Variants in ICA1L observed in about 807,000 individuals in gnomAD.
ICA1L encodes the protein islet cell autoantigen 1 like, also known as islet cell autoantigen 1-like protein.
In ICA1L, 50 loss-of-function variants were observed where a neutral mutation model predicts 61.3. The ratio of observed to expected loss-of-function variants is 0.82; its 90% CI spans 0.65 to 1.03. The LOEUF (loss-of-function observed/expected upper bound fraction) is 1.03, where lower values mean the gene tolerates loss of function less well. Ranked by LOEUF, ICA1L falls within the 50% of genes least tolerant of loss-of-function variation. ICA1L has a pLI of 0.00. For missense variants in ICA1L, 508 were observed against 556.7 expected (o/e 0.91, Z 0.88); for synonymous variants, 161 against 191.3 (o/e 0.84, Z 1.31).
intron 1 of ICA1L, among the ~76,000 whole-genome samples, chr2:202,854,238 A>G (rs1694708411): frequency 6.6e-6 from 1 of 152,110 alleles, no homozygotes; most frequent in Non-Finnish European, 1.5e-5. Context: ...CAGGGGTTTC[A>G]ATCCTACTCT....
At chr2:202,846,078 A>T (rs770616010) in intron 1 of ICA1L, among the ~76,000 whole-genome samples, 1 of 152,172 alleles carries the variant, frequency 6.6e-6, no homozygotes, top group Non-Finnish European at 1.5e-5. Flanking sequence ...AATGTCGGCA[A>T]TGGTTTTCTC....
intron 12 of ICA1L, among the ~76,000 whole-genome samples, chr2:202,781,731 CAT>C (rs1333597626): frequency 6.6e-6 from 1 of 152,068 alleles, no homozygotes; most frequent in Non-Finnish European, 1.5e-5. Context: ...CGCTCATTAG[CAT>C]ATATTTTAGT....
At chr2:202,824,220 G>T (rs1693772339) in intron 3 of ICA1L, among the ~76,000 whole-genome samples, 1 of 152,078 alleles carries the variant, frequency 6.6e-6, no homozygotes, top group Admixed American at 6.6e-5. Context: ...GGCCAAGATG[G>T]TGAAACCCCG....
intron 10 of ICA1L, among the ~76,000 whole-genome samples, chr2:202,789,933 T>C (rs1321563432): frequency 1.3e-5 from 2 of 152,190 alleles, no homozygotes; most frequent in Non-Finnish European, 2.9e-5. Context: ...AGAGACATCA[T>C]AGCCAAGTCC....
chr2:202,777,447 G>A lies in ICA1L; in HGVS notation c.*2086C>T, dbSNP rs914059216. The stretch of plus-strand genomic sequence containing the variant: ...ATTGGGATTCGTAATCATGATCTTG[G>A]TGATTGGAACTTGGCAGAACAGTGA... On this transcript the variant is annotated 3_prime_UTR_variant, in exon 13 of 13. Coordinates refer to ENST00000358299, the MANE Select transcript of ICA1L (RefSeq NM_001288622.3). 2.6e-5 allele frequency: 4 copies of A among 152,166 alleles called. No individual in the cohort carries two copies. The highest frequency in any genetic ancestry group is 7.2e-5 in the African/African-American group (3 of 41,430). 9.4% of individuals were successfully genotyped at this position (152,166 alleles called of 1,614,324 possible). A position where few individuals can be genotyped will look rare whatever the true frequency, so the allele number is the denominator to read the frequency against.
At chr2:202,814,162 T>A (rs1418424667) in intron 8 of ICA1L, among the ~76,000 whole-genome samples, 1 of 152,096 alleles carries the variant, frequency 6.6e-6, no homozygotes, top group Non-Finnish European at 1.5e-5. Context: ...TCATCAAAAC[T>A]CTTGTTGAAA....
In ICA1L at chr2:202,786,892, A is replaced by G. The variant is rs956485351; in HGVS notation, c.1244-885T>C. 3 of 348,292 alleles carry G rather than the reference A, an allele frequency of 8.6e-6. No individual in the cohort carries two copies. The Admixed American group carries it at 1.2e-4, about 13-fold the overall frequency. 21.6% of individuals were successfully genotyped at this position (348,292 alleles called of 1,614,324 possible). On this transcript the variant is annotated intron_variant, in intron 11 of 12. Transcript: ENST00000358299. ...TGAATACTCTATGGGAATGTGGAGAAATGTTTGCTACAACATGAAAAACCA... is the reference window on the plus strand; with the variant it reads ...TGAATACTCTATGGGAATGTGGAGAGATGTTTGCTACAACATGAAAAACCA...
intron 1 of ICA1L, among the ~76,000 whole-genome samples, chr2:202,860,653 G>A (rs1156593236): frequency 2.6e-5 from 4 of 152,032 alleles, no homozygotes; most frequent in Non-Finnish European, 5.9e-5. Flanking sequence ...TTGGGAGGCT[G>A]AGGCAGGAGA....
Position 202,779,306 on chromosome 2 carries a change from AAGTTTCTAATATTTTCCACATAGT to A in ICA1L, c.*203_*226del. ...GTAGTTTCTAATATTTTCCACATAG[AAGTTTCTAATATTTTCCACATAGT>A]ACCAACAGCTGCAAATCCAAGATAT... On this transcript the variant is annotated 3_prime_UTR_variant, in exon 13 of 13. Coordinates refer to ENST00000358299, the MANE Select transcript of ICA1L (RefSeq NM_001288622.3). 2.5e-6 allele frequency: 1 copy of A among 399,038 alleles called. No individual in the cohort carries two copies. 24.7% of individuals were successfully genotyped at this position (399,038 alleles called of 1,614,324 possible).
At chr2:202,833,523 T>G (rs1314479070) in intron 1 of ICA1L, among the ~76,000 whole-genome samples, 1 of 152,158 alleles carries the variant, frequency 6.6e-6, no homozygotes, top group African/African-American at 2.4e-5. Flanking sequence ...AGTTTGAGGC[T>G]GCAGTGAACT....
chr2:202,804,914 C>T (rs1693184225), intron 9 of ICA1L, among the ~76,000 whole-genome samples: 1 of 152,130 alleles, frequency 6.6e-6, no homozygotes. Context: ...TTCCAAATCA[C>T]TCATGGTCAT....
chr2:202,794,203 A>G (rs1048225117), intron 10 of ICA1L, among the ~76,000 whole-genome samples: 2 of 151,662 alleles, frequency 1.3e-5, no homozygotes, highest in Non-Finnish European at 2.9e-5. Context: ...ACTATTAGCC[A>G]GGTGTGGTGG....
chr2:202,856,330 C>G (rs1404762256), intron 1 of ICA1L, among the ~76,000 whole-genome samples: 8 of 152,102 alleles, frequency 5.3e-5, no homozygotes, highest in Non-Finnish European at 1.5e-5. Context: ...TCACCATATG[C>G]AAATCAATAA....
chr2:202,846,256 C>CTTTT (rs145953471), intron 1 of ICA1L, among the ~76,000 whole-genome samples: 13,132 of 147,870 alleles, frequency 0.089, 688 homozygotes, highest in Non-Finnish European at 0.13. Flanking sequence ...TTCTTTCTTT[C>CTTTT]TTTTTTTTTT....
At chr2:202,854,806 T>A (rs895701589) in intron 1 of ICA1L, among the ~76,000 whole-genome samples, 1 of 152,030 alleles carries the variant, frequency 6.6e-6, no homozygotes, top group African/African-American at 2.4e-5. Context: ...GGCGGGCAGA[T>A]CACAAGGTCA....
chr2:202,774,655 G>A lies in ICA1L; in HGVS notation c.*4878C>T. ...GCAGGTGGGGAGCGGAGAGGCCTAA[G>A]ACATGGGCAGGAGCCTTTGGGTCAG... is the stretch of plus-strand genomic sequence containing the variant. On this transcript the variant is annotated 3_prime_UTR_variant, in exon 13 of 13. Transcript: ENST00000358299. 1 of 221,518 alleles carries A rather than the reference G, an allele frequency of 4.5e-6. No homozygotes were observed. Among genetic ancestry groups the A allele is most frequent in the Non-Finnish European group, 8.8e-6 (1 of 114,230 alleles). 13.7% of individuals were successfully genotyped at this position (221,518 alleles called of 1,614,324 possible).
At chr2:202,823,619 G>A (rs1275143874) in intron 3 of ICA1L, among the ~76,000 whole-genome samples, 1 of 152,180 alleles carries the variant, frequency 6.6e-6, no homozygotes, top group Non-Finnish European at 1.5e-5. Context: ...TTCAATGACA[G>A]ACTCTTCTGC....
At chr2:202,813,258 CAAA>C (rs34755589) in intron 8 of ICA1L, among the ~76,000 whole-genome samples, 3 of 120,282 alleles carry the variant, frequency 2.5e-5, no homozygotes, top group African/African-American at 3.5e-5. Flanking sequence ...GAGACTCTGT[CAAA>C]AAAAAAAAAA....
intron 1 of ICA1L, among the ~76,000 whole-genome samples, chr2:202,829,768 T>C (rs1693962278): frequency 6.6e-6 from 1 of 152,206 alleles, no homozygotes; most frequent in African/African-American, 2.4e-5. Flanking sequence ...TTTGCAGTTA[T>C]GTCTAGAAAA....
Sources: gnomAD v4.1 joint callset for allele counts (sites outside exome capture counted in the v4.1 genomes callset) on GRCh38, gnomAD v4.1.1 for gene constraint, MANE v1.5 for transcripts, NCBI Gene and HGNC (gene_info 2026-07-23, HGNC 2026-07-21) for gene names.